Variants in UBAP2L observed in about 807,000 individuals in gnomAD.
UBAP2L encodes ubiquitin-associated protein 2-like.
Under a neutral mutation model 130.6 loss-of-function variants are expected in UBAP2L, and 12 were observed. The ratio of observed to expected loss-of-function variants is 0.09; its 90% CI spans 0.06 to 0.15. The LOEUF is 0.15. UBAP2L is among the 10% of genes least tolerant of loss of function. UBAP2L has a pLI of 1.00. For missense variants in UBAP2L, 965 were observed against 1,332.5 expected, an observed-to-expected ratio of 0.72 and a Z score of 4.29; for synonymous variants, 503 against 524.7, an observed-to-expected ratio of 0.96 and a Z score of 0.57.
At chr1:154,242,429 G>T (rs1673878758) in intron 9 of UBAP2L, among the ~76,000 whole-genome samples, 1 of 152,196 alleles carries the variant, frequency 6.6e-6, no homozygotes, top group Non-Finnish European at 1.5e-5. Flanking sequence ...TATAATCAAT[G>T]AACTAGACTG....
chr1:154,245,688 G>C (rs1248567671), intron 10 of UBAP2L, among the ~76,000 whole-genome samples: 1 of 152,096 alleles, frequency 6.6e-6, no homozygotes, highest in Non-Finnish European at 1.5e-5. Context: ...GGCCAAGGCG[G>C]GCGGATCATG....
rs751854018 is a variant in UBAP2L, at chr1:154,235,277, G to T, written c.530G>T (p.Arg177Leu). Residue 177 changes from arginine to leucine, a missense_variant, in exon 6 of 27, where the codon CGT (arginine) becomes CTT (leucine). Arg to Leu is a moderately radical substitution (Grantham distance 102). Around this residue, in one of 9 missense-constraint regions of UBAP2L, gnomAD observed 109 missense variants for 146.6 expected, o/e 0.74. Coordinates refer to ENST00000428931, the MANE Select transcript of UBAP2L (RefSeq NM_014847.4). Reference sequence around the variant, plus strand: ...GGAACAGAAAGAGGCAGAAGGGGCCGTGGCCGAGGCAGAGGTGATCAGTTT... The same window carrying T: ...GGAACAGAAAGAGGCAGAAGGGGCCTTGGCCGAGGCAGAGGTGATCAGTTT... ...GRGTERGRRG[R>L]GRGRGGSGRR... 1 of 778,082 alleles carries T rather than the reference G, an allele frequency of 1.3e-6. No individual in the cohort carries two copies. Among genetic ancestry groups the T allele is most frequent in the Non-Finnish European group, 2.4e-6 (1 of 417,370 alleles). 48.2% of individuals were successfully genotyped at this position (778,082 alleles called of 1,614,324 possible).
In UBAP2L at chr1:154,225,164, G is replaced by C; in HGVS notation, c.41G>C (p.Trp14Ser). 1 of 1,614,102 alleles carries C rather than the reference G, an allele frequency of 6.2e-7. No homozygotes were observed. The highest frequency in any genetic ancestry group is 8.5e-7 in the Non-Finnish European group (1 of 1,180,016). Residue 14 changes from tryptophan to serine, a missense_variant, in exon 2 of 27, where the codon TGG becomes TCG. By Grantham distance (177) the Trp-to-Ser change is radical (BLOSUM62 -3). Coordinates refer to ENST00000428931, the MANE Select transcript of UBAP2L (RefSeq NM_014847.4). ...SVGTNRARGNWEQPQNQNQTQ... is the reference protein window; with the variant it reads ...SVGTNRARGNSEQPQNQNQTQ... ...GGCACTAACCGAGCCCGGGGAAACT[G>C]GGAACAACCTCAAAACCAAAACCAG...
intron 8 of UBAP2L, among the ~76,000 whole-genome samples, chr1:154,238,558 G>A (rs1338468899): frequency 6.6e-6 from 1 of 152,096 alleles, no homozygotes; most frequent in Non-Finnish European, 1.5e-5. Context: ...TAAGGATCTG[G>A]TTGGAAAAAC....
At position 154,246,366 on chromosome 1, in the gene UBAP2L, T is replaced by G; in HGVS notation, c.1005T>G (p.His335Gln). The G allele has an allele frequency of 1.2e-6, 2 of 1,612,550 alleles. No individual in the cohort carries two copies. The highest frequency in any genetic ancestry group is 1.7e-6 in the Non-Finnish European group (2 of 1,179,200). Residue 335 changes from histidine (H) to glutamine (Q), a missense_variant, in exon 11 of 27, where the codon CAT becomes CAG. Physicochemically the swap from His to Gln is conservative, Grantham distance 24. Transcript: ENST00000428931. ...SQPASGNTFS[H>Q]HSMVSMLGKG... ...CTGCTTCAGGGAACACATTTTCTCATCACAGTATGGTGAGTAGGAAACGTG... is the reference window on the plus strand; with the variant it reads ...CTGCTTCAGGGAACACATTTTCTCAGCACAGTATGGTGAGTAGGAAACGTG...
chr1:154,241,459 C>T, intron 8 of UBAP2L, 54 bp from the exon 9 acceptor site: 1 of 1,561,890 alleles, frequency 6.4e-7, no homozygotes, highest in Non-Finnish European at 8.8e-7. Context: ...TCTATACATG[C>T]TTTGTACTGG....
intron 7 of UBAP2L, 106 bp downstream of exon 7, chr1:154,236,717 T>A: frequency 1.6e-6 from 2 of 1,239,442 alleles, no homozygotes; most frequent in South Asian, 2.5e-5. Context: ...CAGAAAGATA[T>A]GGGGACTTAG....
intron 2 of UBAP2L, among the ~76,000 whole-genome samples, chr1:154,225,947 G>A (rs1667792554): frequency 6.6e-6 from 1 of 152,190 alleles, no homozygotes; most frequent in African/African-American, 2.4e-5. Context: ...CTGAGTAGCT[G>A]GGATTACAGG....
chr1:154,255,570 G>A, intron 17 of UBAP2L, 113 bp from the exon 18 acceptor site: 7 of 1,312,950 alleles, frequency 5.3e-6, no homozygotes, highest in Non-Finnish European at 7.6e-6. Context: ...TATGATCTCA[G>A]ACCTCCTTGG....
intron 26 of UBAP2L, 39 bp downstream of exon 26, chr1:154,268,993 C>T (rs1456327093): frequency 6.9e-6 from 11 of 1,605,770 alleles, no homozygotes; most frequent in African/African-American, 1.3e-5. Context: ...CCTTCCTCTT[C>T]CTTCCTATCC....
In UBAP2L at chr1:154,227,262, GATCTC is replaced by G. The variant is rs763080420; in HGVS notation, c.91-13_91-9del. On this transcript the variant is annotated splice_polypyrimidine_tract_variant and intron_variant, in intron 2 of 26. Coordinates refer to ENST00000428931, the MANE Select transcript of UBAP2L (RefSeq NM_014847.4). ...TGTTGCCTCATGATTATGCTTTCTT[GATCTC>G]ATCTCAATTCCTAGGCCACTGCAGA... 1.2e-6 allele frequency: 2 copies of G among 1,607,034 alleles called. No homozygotes were observed. The highest frequency in any genetic ancestry group is 1.1e-5 in the South Asian group (1 of 90,912).
Position 154,251,611 on chromosome 1 carries a change from C to T in UBAP2L, c.1622C>T (p.Ser541Phe). ...DYESTPTTSA[S>F]SSQAPSSLYT... ...GAGTCCACCCCCACCACGAGCGCCT[C>T]TTCAAGCCAGGCTCCAAGTAGCCTG... Residue 541 changes from serine to phenylalanine, a missense_variant, in exon 14 of 27, where the codon TCT becomes TTT. Coordinates refer to ENST00000428931, the MANE Select transcript of UBAP2L (RefSeq NM_014847.4). 1 of 1,614,142 alleles carries T rather than the reference C, an allele frequency of 6.2e-7. No individual in the cohort carries two copies. Among genetic ancestry groups the T allele is most frequent in the Non-Finnish European group, 8.5e-7 (1 of 1,180,032 alleles).
At chr1:154,253,607 C>T (rs988467397) in intron 14 of UBAP2L, among the ~76,000 whole-genome samples, 12 of 150,482 alleles carry the variant, frequency 8.0e-5, no homozygotes, top group Admixed American at 2.0e-4. Context: ...CTCCTGACCT[C>T]GTGATCCGCC....
chr1:154,259,176 G>A (rs964345120), intron 21 of UBAP2L, 146 bp downstream of exon 21: 4 of 721,978 alleles, frequency 5.5e-6, no homozygotes, highest in African/African-American at 5.4e-5. Flanking sequence ...GGGATTTGGG[G>A]GAGGGTTTCC....
chr1:154,266,332 C>G (rs1683217688), intron 24 of UBAP2L, 169 bp from the exon 25 acceptor site: 2 of 703,108 alleles, frequency 2.8e-6, no homozygotes, highest in Non-Finnish European at 5.2e-6. Flanking sequence ...CCTTAGGGAG[C>G]TTTTGTTTCA....
chr1:154,261,258 G>C (rs1681440737), intron 23 of UBAP2L, 149 bp downstream of exon 23: 5 of 946,970 alleles, frequency 5.3e-6, no homozygotes, highest in Admixed American at 2.9e-5. Context: ...GCAGGGTGGT[G>C]GGGGAATGGG....
chr1:154,236,969 A>T, intron 7 of UBAP2L, 55 bp from the exon 8 acceptor site: 2 of 1,342,910 alleles, frequency 1.5e-6, no homozygotes, highest in South Asian at 1.2e-5. Flanking sequence ...TCTTTGAGTT[A>T]ATATTTGCCA....
intron 8 of UBAP2L, 80 bp downstream of exon 8, chr1:154,237,216 C>T (rs770796086): frequency 2.3e-5 from 29 of 1,275,140 alleles, no homozygotes; most frequent in African/African-American, 1.0e-4. Context: ...TACATTAAAA[C>T]GTGGAAGAAT....
chr1:154,233,417 C>G (rs919332764), intron 4 of UBAP2L, among the ~76,000 whole-genome samples: 1 of 151,686 alleles, frequency 6.6e-6, no homozygotes, highest in African/African-American at 2.4e-5. Context: ...CTCCACCTCC[C>G]AGGTTCAAGC....
Sources: allele counts gnomAD v4.1 joint callset (sites outside exome capture counted in the v4.1 genomes callset), GRCh38; gene constraint gnomAD v4.1.1; regional missense constraint gnomAD v4.1.1; transcripts MANE v1.5; gene names NCBI Gene and HGNC (gene_info 2026-07-23, HGNC 2026-07-21).